RPS6KC1: variants seen among roughly 807,000 people sequenced by gnomAD.
The protein encoded by RPS6KC1 is ribosomal protein S6 kinase C1, also known as inactive ribosomal protein S6 kinase delta-1.
Under a neutral mutation model 103.8 loss-of-function variants are expected in RPS6KC1, and 54 were observed. The observed-to-expected ratio is 0.52, with a 90% CI of 0.42 to 0.65. The LOEUF (loss-of-function observed/expected upper bound fraction) is 0.65. Ranked by LOEUF, RPS6KC1 falls within the 30% of genes least tolerant of loss-of-function variation. The probability of loss-of-function intolerance (pLI) is 0.00; values close to 1 mark genes in which losing one functional copy is unlikely to be tolerated. For missense variants in RPS6KC1, 1,151 were observed against 1,253.8 expected (o/e 0.92, Z 1.24); for synonymous variants, 439 against 438.7 (o/e 1.00, Z -0.01).
intron 6 of RPS6KC1, among the ~76,000 whole-genome samples, chr1:213,167,439 A>AACACAC (rs199762137): frequency 0.056 from 4,283 of 75,916 alleles, 162 homozygotes; most frequent in Admixed American, 0.13. Flanking sequence ...CAAGGTTGAA[A>AACACAC]ACACACACAC....
the RPS6KC1 span, among the ~76,000 whole-genome samples, chr1:213,345,587 G>A: frequency 3.3e-5 from 5 of 152,312 alleles, no homozygotes; most frequent in East Asian, 9.6e-4. Context: ...GCTAGGCTTC[G>A]GTATTGGTAA....
chr1:213,601,611 TG>T, the RPS6KC1 span, among the ~76,000 whole-genome samples: 1 of 151,976 alleles, frequency 6.6e-6, no homozygotes, highest in African/African-American at 2.4e-5. Flanking sequence ...GCTGGCCTGT[TG>T]GGTCAGTGAC....
intron 5 of RPS6KC1, among the ~76,000 whole-genome samples, chr1:213,119,999 A>G (rs554634788): frequency 6.6e-6 from 1 of 152,276 alleles, no homozygotes; most frequent in South Asian, 2.1e-4. Flanking sequence ...TGTAAGGGTG[A>G]CCCTTCCTAA....
the RPS6KC1 span, among the ~76,000 whole-genome samples, chr1:213,333,733 A>G: frequency 6.6e-6 from 1 of 152,102 alleles, no homozygotes; most frequent in Non-Finnish European, 1.5e-5. Flanking sequence ...ATCTCGGCTC[A>G]CTGCAACCTC....
chr1:213,333,260 A>G, the RPS6KC1 span, among the ~76,000 whole-genome samples: 3 of 152,228 alleles, frequency 2.0e-5, no homozygotes, highest in Non-Finnish European at 4.4e-5. Context: ...TTTTATGACC[A>G]CAATTCCTGC....
the RPS6KC1 span, among the ~76,000 whole-genome samples, chr1:213,576,743 T>C: frequency 6.6e-6 from 1 of 152,190 alleles, no homozygotes; most frequent in African/African-American, 2.4e-5. Flanking sequence ...AAGGCAGAGT[T>C]GCACATCTCT....
intron 6 of RPS6KC1, among the ~76,000 whole-genome samples, chr1:213,133,326 A>G (rs1261812162): frequency 1.3e-5 from 2 of 152,220 alleles, no homozygotes; most frequent in African/African-American, 4.8e-5. Flanking sequence ...GTGGTAATAT[A>G]GAGTGGTAAA....
At chr1:213,662,156 A>G in the RPS6KC1 span, among the ~76,000 whole-genome samples, 4 of 152,196 alleles carry the variant, frequency 2.6e-5, no homozygotes, top group Non-Finnish European at 4.4e-5. Context: ...AAATAGTTTC[A>G]TAGATGTGTG....
chr1:213,735,919 T>C, the RPS6KC1 span, among the ~76,000 whole-genome samples: 2 of 152,210 alleles, frequency 1.3e-5, no homozygotes, highest in African/African-American at 4.8e-5. Flanking sequence ...TCACAGATTC[T>C]GTGTAATTTC....
At chr1:213,560,654 C>T in the RPS6KC1 span, among the ~76,000 whole-genome samples, 7 of 152,146 alleles carry the variant, frequency 4.6e-5, no homozygotes, top group South Asian at 2.1e-4. Flanking sequence ...GCCTTGTGAC[C>T]GACAGAACTA....
intron 2 of RPS6KC1, 149 bp downstream of exon 2, chr1:213,071,190 C>T (rs1018143670): frequency 8.3e-5 from 41 of 492,428 alleles, no homozygotes; most frequent in Middle Eastern, 5.8e-4. Flanking sequence ...AGTGCAGTGG[C>T]GCAATCTCGG....
the RPS6KC1 span, among the ~76,000 whole-genome samples, chr1:213,503,628 A>C: frequency 1.3e-5 from 2 of 152,248 alleles, no homozygotes; most frequent in Non-Finnish European, 2.9e-5. Flanking sequence ...AGCCAAAAAC[A>C]TCCTCATTCT....
At chr1:213,853,479 A>G in the RPS6KC1 span, among the ~76,000 whole-genome samples, 1,385 of 152,326 alleles carry the variant, frequency 9.1e-3, 20 homozygotes, top group African/African-American at 0.032. Flanking sequence ...CTCACTTATT[A>G]TCTACCACAA....
At chr1:213,312,466 G>T in the RPS6KC1 span, among the ~76,000 whole-genome samples, 1 of 152,144 alleles carries the variant, frequency 6.6e-6, no homozygotes, top group Non-Finnish European at 1.5e-5. Context: ...CAGGGCAGGC[G>T]GCTTCTATCC....
At chr1:213,172,328 A>G (rs2091536469) in intron 7 of RPS6KC1, among the ~76,000 whole-genome samples, 1 of 152,086 alleles carries the variant, frequency 6.6e-6, no homozygotes, top group Non-Finnish European at 1.5e-5. Context: ...AGAATGTACA[A>G]CAGGCCTGTA....
At chr1:213,172,295 C>T (rs747843015) in intron 7 of RPS6KC1, among the ~76,000 whole-genome samples, 20 of 152,092 alleles carry the variant, frequency 1.3e-4, no homozygotes, top group Admixed American at 3.3e-4. Flanking sequence ...AACAAATCCC[C>T]AAACAGAAAC....
chr1:213,726,885 C>T, the RPS6KC1 span, among the ~76,000 whole-genome samples: 1 of 152,230 alleles, frequency 6.6e-6, no homozygotes, highest in Non-Finnish European at 1.5e-5. Context: ...GGATGATGTG[C>T]TGCAAATAAA....
chr1:213,312,418 C>T, the RPS6KC1 span, among the ~76,000 whole-genome samples: 1 of 152,140 alleles, frequency 6.6e-6, no homozygotes, highest in East Asian at 1.9e-4. Flanking sequence ...AGTTTGGTGG[C>T]TATTGATCTG....
chr1:213,548,548 A>C, the RPS6KC1 span, among the ~76,000 whole-genome samples: 7,465 of 152,156 alleles, frequency 0.049, 645 homozygotes, highest in African/African-American at 0.17. Context: ...GTAGTCCCAG[A>C]TACTTAGGAG....
Sources: allele counts gnomAD v4.1 joint callset (sites outside exome capture counted in the v4.1 genomes callset), GRCh38; gene constraint gnomAD v4.1.1; transcripts MANE v1.5; gene names NCBI Gene and HGNC (gene_info 2026-07-23, HGNC 2026-07-21).